SLC36A1: variants seen among roughly 807,000 people sequenced by gnomAD.
The protein encoded by SLC36A1 is proton-coupled amino acid transporter 1.
In SLC36A1, 30 loss-of-function variants were observed where a neutral mutation model predicts 47.5. That is an observed-to-expected ratio of 0.63 (90% CI 0.47 to 0.86). SLC36A1 has a LOEUF of 0.86. SLC36A1 is among the 40% of genes least tolerant of loss of function. The pLI is 0.00. For synonymous variants in SLC36A1, 255 were observed against 249.7 expected, an observed-to-expected ratio of 1.02 and a Z score of -0.20; for missense variants, 517 against 606.0, an observed-to-expected ratio of 0.85 and a Z score of 1.54.
chr5:151,382,344 C>A, the SLC36A1 span: 1 of 844,146 alleles, frequency 1.2e-6, no homozygotes, highest in Non-Finnish European at 2.0e-6. Flanking sequence ...CCCTGTAGAT[C>A]TGGCCATGCG....
intron 1 of SLC36A1, among the ~76,000 whole-genome samples, chr5:151,454,291 A>G (rs904418214): frequency 2.6e-5 from 4 of 152,182 alleles, no homozygotes; most frequent in East Asian, 1.9e-4. Context: ...AAAATCTCCC[A>G]TAGGGCGGGA....
At chr5:151,401,202 G>T in the SLC36A1 span, among the ~76,000 whole-genome samples, 48 of 152,250 alleles carry the variant, frequency 3.2e-4, no homozygotes, top group African/African-American at 1.1e-3. Context: ...TGTATATAGT[G>T]ATAGGTATGG....
the SLC36A1 span, among the ~76,000 whole-genome samples, chr5:151,553,799 T>G: frequency 6.6e-6 from 1 of 152,208 alleles, no homozygotes; most frequent in East Asian, 1.9e-4. Flanking sequence ...AATATCTGAT[T>G]TAATCCTCAC....
the SLC36A1 span, among the ~76,000 whole-genome samples, chr5:151,352,408 T>G: frequency 0.25 from 38,629 of 152,078 alleles, 5,314 homozygotes; most frequent in African/African-American, 0.32. Context: ...AATGAATGTG[T>G]TATTGATCCC....
the SLC36A1 span, among the ~76,000 whole-genome samples, chr5:151,524,225 A>G: frequency 6.6e-6 from 1 of 152,208 alleles, no homozygotes; most frequent in Non-Finnish European, 1.5e-5. Flanking sequence ...ACCAAGGCTT[A>G]TACTTAGAAG....
the SLC36A1 span, chr5:151,511,214 A>G: frequency 6.6e-6 from 1 of 152,242 alleles, no homozygotes; most frequent in Admixed American, 6.5e-5. Context: ...TAGAAATGAC[A>G]TGATTAGCCA....
chr5:151,553,444 A>C, the SLC36A1 span: 2 of 1,509,586 alleles, frequency 1.3e-6, no homozygotes, highest in Admixed American at 3.6e-5. Context: ...GGAAGACCCA[A>C]GCAGCCAGGA....
chr5:151,421,064 G>A, the SLC36A1 span, among the ~76,000 whole-genome samples: 3 of 151,270 alleles, frequency 2.0e-5, no homozygotes, highest in Non-Finnish European at 2.9e-5. Context: ...TAGTAGAGAC[G>A]GGGTTTCACC....
the SLC36A1 span, among the ~76,000 whole-genome samples, chr5:151,531,008 C>G: frequency 1.3e-5 from 2 of 152,184 alleles, no homozygotes; most frequent in African/African-American, 4.8e-5. The surrounding 1 kb of genome is among the most constrained non-coding windows in gnomAD (Gnocchi z 5.7). Flanking sequence ...GTGTGAGACA[C>G]AGGCTGACCT....
At chr5:151,391,584 C>G in the SLC36A1 span, among the ~76,000 whole-genome samples, 1 of 152,028 alleles carries the variant, frequency 6.6e-6, no homozygotes, top group South Asian at 2.1e-4. Flanking sequence ...CCATCAATAC[C>G]GAATTTATTG....
At chr5:151,424,629 A>G in the SLC36A1 span, among the ~76,000 whole-genome samples, 2 of 152,244 alleles carry the variant, frequency 1.3e-5, no homozygotes, top group African/African-American at 4.8e-5. Flanking sequence ...GGAATTCCTA[A>G]GACCCAGGTA....
At chr5:151,508,679 C>T in the SLC36A1 span, among the ~76,000 whole-genome samples, 1 of 150,610 alleles carries the variant, frequency 6.6e-6, no homozygotes, top group Admixed American at 6.6e-5. Flanking sequence ...CATTGCACTG[C>T]AGCCTGGGCG....
the SLC36A1 span, among the ~76,000 whole-genome samples, chr5:151,555,411 C>T: frequency 1.4e-5 from 2 of 147,186 alleles, no homozygotes; most frequent in African/African-American, 5.1e-5. Flanking sequence ...CGCTCTATCG[C>T]CCAGGCTGGA....
chr5:151,505,540 C>T, the SLC36A1 span: 1 of 1,613,676 alleles, frequency 6.2e-7, no homozygotes, highest in Non-Finnish European at 8.5e-7. Context: ...TGGCCTCCCG[C>T]CTGCCTTGCT....
rs79586951 is a variant in SLC36A1 at position 151,462,094 on chromosome 5, A to G, written c.144-1459A>G. ...CCTCAAGGAAAACAATAGATAATAC[A>G]TATCTGTTGCCCAGAATAAAATTCA... On this transcript the variant is annotated intron_variant, in intron 2 of 10. Transcript: ENST00000243389. 9.7e-3 allele frequency among the ~76,000 whole-genome samples: 1,482 copies of G among 152,264 alleles called. 15 individuals are homozygous for G. Among genetic ancestry groups the G allele is most frequent in the African/African-American group, 0.033 (1,369 of 41,558 alleles).
At chr5:151,549,163 C>T in the SLC36A1 span, 3 of 775,198 alleles carry the variant, frequency 3.9e-6, no homozygotes, top group African/African-American at 3.5e-5. Flanking sequence ...CCAGGGAATG[C>T]TCTAGAATTA....
chr5:151,455,216 G>C (rs1754317119), intron 1 of SLC36A1, among the ~76,000 whole-genome samples: 1 of 152,154 alleles, frequency 6.6e-6, no homozygotes, highest in Admixed American at 6.5e-5. Context: ...GATGGATGGA[G>C]CCGATGTCTA....
At chr5:151,516,515 C>CAATA in the SLC36A1 span, among the ~76,000 whole-genome samples, 10 of 152,024 alleles carry the variant, frequency 6.6e-5, no homozygotes, top group Admixed American at 2.6e-4. Context: ...GACTCTGTCT[C>CAATA]AATAAATAAA....
chr5:151,395,031 C>T, the SLC36A1 span, among the ~76,000 whole-genome samples: 5 of 152,214 alleles, frequency 3.3e-5, no homozygotes, highest in African/African-American at 1.2e-4. Flanking sequence ...AGGCAGGCCT[C>T]CTTGAGCTGC....
Sources: allele counts gnomAD v4.1 joint callset (sites outside exome capture counted in the v4.1 genomes callset), GRCh38; gene constraint gnomAD v4.1.1; non-coding constraint Gnocchi (gnomAD v3.1); transcripts MANE v1.5; gene names NCBI Gene and HGNC (gene_info 2026-07-23, HGNC 2026-07-21).